The following TENM4 variants were observed in gnomAD, a reference collection of about 807,000 sequenced individuals.
TENM4 encodes teneurin-4.
Under a neutral mutation model 243.3 loss-of-function variants are expected in TENM4, and 82 were observed. The observed-to-expected ratio is 0.34, with a 90% CI of 0.28 to 0.40. TENM4 has a LOEUF of 0.40. TENM4 is among the 10% of genes least tolerant of loss of function. The probability of loss-of-function intolerance (pLI) is 1.00; values close to 1 mark genes in which losing one functional copy is unlikely to be tolerated. For missense variants in TENM4, 3,138 were observed against 3,673.3 expected (o/e 0.85, Z 3.77); for synonymous variants, 1,412 against 1,456.3 (o/e 0.97, Z 0.69).
intron 1 of TENM4, among the ~76,000 whole-genome samples, chr11:79,425,603 G>A (rs919833049): frequency 2.0e-5 from 3 of 152,190 alleles, no homozygotes; most frequent in African/African-American, 7.2e-5. Flanking sequence ...GTCAGTGATG[G>A]AGCATAACAA....
chr11:79,350,608 T>TC (rs984681838), intron 1 of TENM4, among the ~76,000 whole-genome samples: 6 of 149,850 alleles, frequency 4.0e-5, no homozygotes, highest in Non-Finnish European at 8.9e-5. Flanking sequence ...TTTTTCTTTT[T>TC]TTTTTTCCTT....
intron 11 of TENM4, among the ~76,000 whole-genome samples, 199 bp from the exon 12 acceptor site, chr11:78,854,513 G>A (rs1164232667): frequency 6.6e-6 from 1 of 152,170 alleles, no homozygotes; most frequent in East Asian, 1.9e-4. Context: ...TATTCTCCCG[G>A]TTCTCCTGTG....
rs1275608974 is a variant in TENM4, at chr11:79,161,128, C to A, written c.-162-12322G>T. On this transcript the variant is annotated intron_variant, in intron 3 of 33. Coordinates refer to ENST00000278550, the MANE Select transcript of TENM4 (RefSeq NM_001098816.3). Reference sequence around the variant, plus strand: ...CTTGTGAAGTAGAACATCTCTATCCCCCTGGCTGAGATTTTATGTGCAAGA... The same window carrying A: ...CTTGTGAAGTAGAACATCTCTATCCACCTGGCTGAGATTTTATGTGCAAGA... 2.0e-5 allele frequency among the ~76,000 whole-genome samples: 3 copies of A among 152,176 alleles called. No individual in the cohort carries two copies. In the East Asian group the frequency reaches 5.8e-4, roughly 29 times the overall value.
chr11:79,209,965 T>A (rs963387539), intron 3 of TENM4, among the ~76,000 whole-genome samples: 5 of 152,198 alleles, frequency 3.3e-5, no homozygotes, highest in Admixed American at 3.3e-4. Context: ...ATAGTGAAGA[T>A]AAAACATACA....
At chr11:78,664,359 C>T (rs766524334) in intron 32 of TENM4, among the ~76,000 whole-genome samples, 1 of 151,990 alleles carries the variant, frequency 6.6e-6, no homozygotes, top group Non-Finnish European at 1.5e-5. Flanking sequence ...CCTCAGCCTC[C>T]GGAGTAGCCA....
chr11:79,374,091 T>C, intron 1 of TENM4, among the ~76,000 whole-genome samples: 1 of 152,154 alleles, frequency 6.6e-6, no homozygotes, highest in East Asian at 1.9e-4. Context: ...ATGACAATTT[T>C]CATGAATTCA....
intron 1 of TENM4, among the ~76,000 whole-genome samples, chr11:79,351,490 G>A (rs1437941799): frequency 6.6e-6 from 1 of 152,150 alleles, no homozygotes; most frequent in Non-Finnish European, 1.5e-5. Flanking sequence ...CAGATCACTT[G>A]AGATCAGGAG....
chr11:78,771,219 T>C lies in TENM4; in HGVS notation c.2393-81A>G, dbSNP rs189278201. 5,028 of 1,509,530 alleles carry C rather than the reference T, an allele frequency of 3.3e-3. 13 individuals carry two copies. Among genetic ancestry groups the C allele is most frequent in the Non-Finnish European group, 4.3e-3 (4,748 of 1,116,210 alleles). 93.5% of individuals were successfully genotyped at this position (1,509,530 alleles called of 1,614,324 possible). On this transcript the variant is annotated intron_variant, in intron 17 of 33. Coordinates refer to ENST00000278550, the MANE Select transcript of TENM4 (RefSeq NM_001098816.3). ...ACACACTAACACGCTACCTGCCAAC[T>C]TGCAAAATGCCTTCATATCCATCAG...
intron 12 of TENM4, among the ~76,000 whole-genome samples, chr11:78,816,518 T>C (rs563649401): frequency 1.3e-5 from 2 of 152,202 alleles, no homozygotes; most frequent in Non-Finnish European, 2.9e-5. Flanking sequence ...CAGCAAAGGA[T>C]CTATTTGTAG....
chr11:79,020,008 G>T (rs1403755502), intron 6 of TENM4, among the ~76,000 whole-genome samples: 1 of 152,228 alleles, frequency 6.6e-6, no homozygotes, highest in East Asian at 1.9e-4. Flanking sequence ...CTGCCAGCCT[G>T]TTAGCTTTGT....
At chr11:79,276,013 C>T (rs146246205) in intron 2 of TENM4, among the ~76,000 whole-genome samples, 23 of 152,278 alleles carry the variant, frequency 1.5e-4, no homozygotes, top group East Asian at 5.8e-4. Context: ...TTCATTATGC[C>T]GCCTAAAAAC....
At chr11:78,848,388 C>T (rs190712646) in intron 12 of TENM4, among the ~76,000 whole-genome samples, 1 of 152,298 alleles carries the variant, frequency 6.6e-6, no homozygotes, top group Non-Finnish European at 1.5e-5. Context: ...GCATCCTGGG[C>T]TCTAGTCAAA....
chr11:79,028,232 G>A (rs1207997722), intron 6 of TENM4, among the ~76,000 whole-genome samples: 2 of 152,204 alleles, frequency 1.3e-5, no homozygotes, highest in Admixed American at 6.5e-5. Context: ...CAATAAATAT[G>A]AGTTGCCATT....
intron 19 of TENM4, among the ~76,000 whole-genome samples, chr11:78,755,394 C>T (rs1410069126): frequency 6.6e-6 from 1 of 152,072 alleles, no homozygotes; most frequent in Non-Finnish European, 1.5e-5. Flanking sequence ...GTCTCGAACT[C>T]CCGGGCTCAA....
intron 6 of TENM4, among the ~76,000 whole-genome samples, chr11:78,982,834 G>A (rs1857831629): frequency 6.6e-6 from 1 of 152,182 alleles, no homozygotes; most frequent in South Asian, 2.1e-4. Flanking sequence ...TTGGAAACTT[G>A]TTATTCTCTG....
At chr11:79,385,726 T>C (rs866319584) in intron 1 of TENM4, among the ~76,000 whole-genome samples, 1 of 110,950 alleles carries the variant, frequency 9.0e-6, no homozygotes, top group African/African-American at 3.1e-5. Flanking sequence ...AAAAACATAT[T>C]TTTCCCCTAT....
chr11:78,950,990 GC>G (rs1857097516), intron 6 of TENM4, among the ~76,000 whole-genome samples: 2 of 152,198 alleles, frequency 1.3e-5, no homozygotes, highest in South Asian at 4.1e-4. Flanking sequence ...GTGTGATCAG[GC>G]CCTCTTTGAT....
At chr11:78,732,206 G>T in intron 21 of TENM4, 110 bp downstream of exon 21, 1 of 1,446,380 alleles carries the variant, frequency 6.9e-7, no homozygotes, top group Non-Finnish European at 9.2e-7. Context: ...GATGGGACCT[G>T]ACCCAAGCCC....
chr11:79,036,531 G>A (rs1234884347), intron 6 of TENM4, among the ~76,000 whole-genome samples: 2 of 152,192 alleles, frequency 1.3e-5, no homozygotes, highest in Non-Finnish European at 2.9e-5. Context: ...GTGTGGCATG[G>A]TACTGGACCA....
Sources: allele counts gnomAD v4.1 joint callset (sites outside exome capture counted in the v4.1 genomes callset), GRCh38; gene constraint gnomAD v4.1.1; transcripts MANE v1.5; gene names NCBI Gene and HGNC (gene_info 2026-07-23, HGNC 2026-07-21).